DYRK1B: variants seen among roughly 807,000 people sequenced by gnomAD.
DYRK1B encodes dual specificity tyrosine-phosphorylation-regulated kinase 1B.
In DYRK1B, 20 loss-of-function variants were observed where a neutral mutation model predicts 57.1. That is an observed-to-expected ratio of 0.35 (90% CI 0.25 to 0.51). DYRK1B has a LOEUF of 0.51. Among genes scored for constraint, DYRK1B ranks in the 20% least tolerant of loss-of-function variants. DYRK1B has a pLI of 0.96. For synonymous variants in DYRK1B, 409 were observed against 384.7 expected (o/e 1.06, Z -0.74); for missense variants, 732 against 886.3 (o/e 0.83, Z 2.21).
At chr19:39,829,544 TGAA>T (rs1306611357) in intron 5 of DYRK1B, among the ~76,000 whole-genome samples, 4 of 152,178 alleles carry the variant, frequency 2.6e-5, no homozygotes, top group Admixed American at 1.3e-4. Context: ...TTTGTTTTAT[TGAA>T]GAAGAAACTA....
Position 39,826,582 on chromosome 19 carries a change from TG to T in DYRK1B, c.1411+89del. Reference sequence around the variant, plus strand: ...GTTCAGGATCAGTTTCGGCGCTTTGTGTGAAGACCCAGTAACCAGGTCCCCC... The same window carrying T: ...GTTCAGGATCAGTTTCGGCGCTTTGTTGAAGACCCAGTAACCAGGTCCCCC... On this transcript the variant is annotated intron_variant, in intron 9 of 10. Transcript: ENST00000323039. This position sits in a 1 kb window ranked among gnomAD's most constrained non-coding sequence, Gnocchi z 6.3. The T allele has an allele frequency of 7.3e-7, 1 of 1,366,112 alleles. No homozygotes were observed. Among genetic ancestry groups the T allele is most frequent in the Non-Finnish European group, 9.7e-7 (1 of 1,033,018 alleles). 84.6% of individuals were successfully genotyped at this position (1,366,112 alleles called of 1,614,324 possible). A position where few individuals can be genotyped will look rare whatever the true frequency, so the allele number is the denominator to read the frequency against.
intron 8 of DYRK1B, 21 bp downstream of exon 8, chr19:39,827,264 G>A: frequency 6.3e-7 from 1 of 1,595,404 alleles, no homozygotes. Context: ...TGGGAGGAGT[G>A]GCATGGGGCA....
At position 39,829,887 on chromosome 19, in the gene DYRK1B, G is replaced by A. The variant is rs747317074; in HGVS notation, c.513C>T (p.Tyr171=). 7 of 1,613,522 alleles carry A rather than the reference G, an allele frequency of 4.3e-6. No homozygotes were observed. Among genetic ancestry groups the A allele is most frequent in the Middle Eastern group, 1.8e-4 (1 of 5,596 alleles). The change falls in exon 5 of 11, where the codon TAC becomes TAT. Residue 171 remains tyrosine (Y), a synonymous_variant. Coordinates refer to ENST00000323039, the MANE Select transcript of DYRK1B (RefSeq NM_004714.3). Reference sequence around the variant, plus strand: ...GCCAGTCCCAGGCCTCACCTATATAGTACTTCATCTCCGTGTCATGCTGGT... The same window carrying A: ...GCCAGTCCCAGGCCTCACCTATATAATACTTCATCTCCGTGTCATGCTGGT... The part of the protein sequence containing the change: ...LMNQHDTEMK[Y]YIVHLKRHFM...
Position 39,832,291 on chromosome 19 carries a change from T to C in DYRK1B, c.-101-323A>G, listed in dbSNP as rs561273474. Among the ~76,000 whole-genome samples, 31 of 152,114 alleles carry C rather than the reference T, an allele frequency of 2.0e-4. No homozygotes were observed. In the East Asian group the frequency reaches 6.0e-3, roughly 29 times the overall value. On this transcript the variant is annotated intron_variant, in intron 1 of 10. Transcript: ENST00000323039. ...AAGGAGGACAGGAAGACACCAATAA[T>C]TCAGAGGAGGAAAAGAAAAAAGAAA...
In DYRK1B at chr19:39,826,373, G is replaced by A; in HGVS notation, c.1412-87C>T. On this transcript the variant is annotated intron_variant, in intron 9 of 10. Coordinates refer to ENST00000323039, the MANE Select transcript of DYRK1B (RefSeq NM_004714.3). This position sits in a 1 kb window ranked among gnomAD's most constrained non-coding sequence, Gnocchi z 6.3. ...TTGGGATGGCTGAGGGAAGGTCACG[G>A]CCCAGGCTCAGGTTCAGGCTTCAAG... is the stretch of plus-strand genomic sequence containing the variant. The A allele has an allele frequency of 8.9e-7, 1 of 1,124,440 alleles. No homozygotes were observed. Among genetic ancestry groups the A allele is most frequent in the South Asian group, 1.6e-5 (1 of 61,860 alleles). 69.7% of individuals were successfully genotyped at this position (1,124,440 alleles called of 1,614,324 possible). A position where few individuals can be genotyped will look rare whatever the true frequency, so the allele number is the denominator to read the frequency against.
chr19:39,830,500 T>C lies in DYRK1B; in HGVS notation c.247A>G (p.Lys83Glu). The stretch of plus-strand genomic sequence containing the variant: ...CCATGGTTCAGGACCTTCTTCTCCT[T>C]CTTGTTGCTCGAATCCTGGGGTGGC... ...QAPPQDSSNK[K>E]EKKVLNHGYD... The change falls in exon 4 of 11, where the codon AAG becomes GAG. Residue 83 changes from lysine (K) to glutamate (E), a missense_variant. Coordinates refer to ENST00000323039, the MANE Select transcript of DYRK1B (RefSeq NM_004714.3). 1.2e-6 allele frequency: 2 copies of C among 1,614,118 alleles called. No homozygotes were observed. The highest frequency in any genetic ancestry group is 1.7e-6 in the Non-Finnish European group (2 of 1,179,986).
Position 39,828,631 on chromosome 19 carries a change from G to A in DYRK1B, c.521-48C>T. 1 of 1,565,768 alleles carries A rather than the reference G, an allele frequency of 6.4e-7. No individual in the cohort carries two copies. Among genetic ancestry groups the A allele is most frequent in the Admixed American group, 1.8e-5 (1 of 56,216 alleles). ...GGCCAGAGAAGAAACGGCTCAGAGAGGGCAGGTGGTGGCCTGGGGTCATAC... is the reference window on the plus strand; with the variant it reads ...GGCCAGAGAAGAAACGGCTCAGAGAAGGCAGGTGGTGGCCTGGGGTCATAC... On this transcript the variant is annotated intron_variant, in intron 5 of 10. Transcript: ENST00000323039. The surrounding 1 kb of genome is among the most constrained non-coding windows in gnomAD (Gnocchi z 4.3).
In DYRK1B at chr19:39,829,928, G is replaced by A; in HGVS notation, c.472C>T (p.Leu158=). 1.9e-6 allele frequency: 3 copies of A among 1,614,106 alleles called. No homozygotes were observed. Among genetic ancestry groups the A allele is most frequent in the Non-Finnish European group, 2.5e-6 (3 of 1,180,038 alleles). ...FLNQAQIELR[L]LELMNQHDTE... is the part of the protein sequence containing the mutation. ...TCATGCTGGTTCATCAGCTCCAGCA[G>A]CCGCAGCTCAATCTGGGCCTGGTTC... Residue 158 remains leucine (L), a synonymous_variant, in exon 5 of 11, where the codon CTG becomes TTG. Coordinates refer to ENST00000323039, the MANE Select transcript of DYRK1B (RefSeq NM_004714.3).
At chr19:39,830,905 G>A in intron 2 of DYRK1B, 122 bp from the exon 3 acceptor site, 1 of 1,225,336 alleles carries the variant, frequency 8.2e-7, no homozygotes, top group Non-Finnish European at 1.1e-6. Flanking sequence ...TGTTCCACCT[G>A]TCTAGGAAAG....
Position 39,826,284 on chromosome 19 carries a change from C to T in DYRK1B, c.1414G>A (p.Gly472Ser). ...STASSISSSG[G>S]SSGSSSDNRT... Reference sequence around the variant, plus strand: ...TTGTCACTGGAGGAGCCACTGGAGCCTCCTGGAAGTGCCAGGGAGGAGAGG... The same window carrying T: ...TTGTCACTGGAGGAGCCACTGGAGCTTCCTGGAAGTGCCAGGGAGGAGAGG... Residue 472 changes from glycine to serine, a missense_variant and splice_region_variant, in exon 10 of 11, where the codon GGC becomes AGC. By Grantham distance (56) the Gly-to-Ser change is moderately conservative. Coordinates refer to ENST00000323039, the MANE Select transcript of DYRK1B (RefSeq NM_004714.3). The surrounding 1 kb of genome is among the most constrained non-coding windows in gnomAD (Gnocchi z 6.3). 1 of 1,572,390 alleles carries T rather than the reference C, an allele frequency of 6.4e-7. No homozygotes were observed. The highest frequency in any genetic ancestry group is 8.6e-7 in the Non-Finnish European group (1 of 1,164,206).
Position 39,826,563 on chromosome 19 carries a change from G to A in DYRK1B, c.1411+109C>T. 1 of 1,229,708 alleles carries A rather than the reference G, an allele frequency of 8.1e-7. No individual in the cohort carries two copies. Among genetic ancestry groups the A allele is most frequent in the Non-Finnish European group, 1.1e-6 (1 of 917,966 alleles). 76.2% of individuals were successfully genotyped at this position (1,229,708 alleles called of 1,614,324 possible). Reference sequence around the variant, plus strand: ...TCCCACACGTCATCTTACAGTTCAGGATCAGTTTCGGCGCTTTGTGTGAAG... The same window carrying A: ...TCCCACACGTCATCTTACAGTTCAGAATCAGTTTCGGCGCTTTGTGTGAAG... On this transcript the variant is annotated intron_variant, in intron 9 of 10. Transcript: ENST00000323039. This position sits in a 1 kb window ranked among gnomAD's most constrained non-coding sequence, Gnocchi z 6.3.
chr19:39,825,485 T>G lies in DYRK1B; in HGVS notation c.*230A>C. 1.8e-6 allele frequency: 1 copy of G among 557,628 alleles called. No homozygotes were observed. Among genetic ancestry groups the G allele is most frequent in the Non-Finnish European group, 3.2e-6 (1 of 314,816 alleles). 34.5% of individuals were successfully genotyped at this position (557,628 alleles called of 1,614,324 possible). A position where few individuals can be genotyped will look rare whatever the true frequency, so the allele number is the denominator to read the frequency against. ...CGGACCACCACTGTCTTTGGTACAA[T>G]AAATAGAAAAAAAGGGGGAGAGGGG... On this transcript the variant is annotated 3_prime_UTR_variant, in exon 11 of 11. Coordinates refer to ENST00000323039, the MANE Select transcript of DYRK1B (RefSeq NM_004714.3).
In DYRK1B at chr19:39,828,167, C is replaced by T; in HGVS notation, c.807+130G>A. On this transcript the variant is annotated intron_variant, in intron 6 of 10. Coordinates refer to ENST00000323039, the MANE Select transcript of DYRK1B (RefSeq NM_004714.3). This position sits in a 1 kb window ranked among gnomAD's most constrained non-coding sequence, Gnocchi z 4.3. ...TGGGCAGTATATTCACACCCCCACC[C>T]CAAGCATTATCCCTCAGTTCCCACG... 1 of 1,071,046 alleles carries T rather than the reference C, an allele frequency of 9.3e-7. No homozygotes were observed. The highest frequency in any genetic ancestry group is 1.3e-6 in the Non-Finnish European group (1 of 755,408). The allele number at this position is 1,071,046 out of a possible 1,614,324, so 66.3% of individuals were successfully genotyped here.
Position 39,826,115 on chromosome 19 carries a change from G to T in DYRK1B, c.1519-29C>A. The T allele has an allele frequency of 6.5e-7, 1 of 1,548,364 alleles. No homozygotes were observed. Among genetic ancestry groups the T allele is most frequent in the South Asian group, 1.3e-5 (1 of 78,988 alleles). Reference sequence around the variant, plus strand: ...AAAAAGCAAAGGAGCCATGGGTGATGGAGACCCTGGTCTCTAAGCCCCAGG... The same window carrying T: ...AAAAAGCAAAGGAGCCATGGGTGATTGAGACCCTGGTCTCTAAGCCCCAGG... On this transcript the variant is annotated intron_variant, in intron 10 of 10. Coordinates refer to ENST00000323039, the MANE Select transcript of DYRK1B (RefSeq NM_004714.3). The surrounding 1 kb of genome is among the most constrained non-coding windows in gnomAD (Gnocchi z 6.3).
In DYRK1B at chr19:39,827,517, G is replaced by C; in HGVS notation, c.947C>G (p.Ser316Cys). Residue 316 changes from serine to cysteine, a missense_variant, in exon 7 of 11, where the codon TCC becomes TGC. Ser to Cys is a moderately radical substitution (Grantham distance 112). Coordinates refer to ENST00000323039, the MANE Select transcript of DYRK1B (RefSeq NM_004714.3). ...MHTGEPLFSG[S>C]NEVDQMNRIV... ...CCCTTCCTGGGGGCACACCTCATTG[G>C]AGCCACTGAAGAGGGGCTCTCCGGT... 1 of 1,613,822 alleles carries C rather than the reference G, an allele frequency of 6.2e-7. No individual in the cohort carries two copies. The highest frequency in any genetic ancestry group is 8.5e-7 in the Non-Finnish European group (1 of 1,179,872).
chr19:39,827,021 A>T (rs1486408972), intron 8 of DYRK1B, 34 bp from the exon 9 acceptor site: 1 of 1,349,930 alleles, frequency 7.4e-7, no homozygotes, highest in Non-Finnish European at 9.6e-7. Context: ...GGGGCAAGAG[A>T]GTGGCCGTCA....
In DYRK1B at chr19:39,828,650, G is replaced by A; in HGVS notation, c.521-67C>T. 6.7e-7 allele frequency: 1 copy of A among 1,493,958 alleles called. No homozygotes were observed. The highest frequency in any genetic ancestry group is 9.1e-7 in the Non-Finnish European group (1 of 1,100,424). The allele number at this position is 1,493,958 out of a possible 1,614,324, so 92.5% of individuals were successfully genotyped here. A position where few individuals can be genotyped will look rare whatever the true frequency, so the allele number is the denominator to read the frequency against. ...CAGAGAGGGCAGGTGGTGGCCTGGG[G>A]TCATACAACGCTCTTTGATTACTAG... On this transcript the variant is annotated intron_variant, in intron 5 of 10. Coordinates refer to ENST00000323039, the MANE Select transcript of DYRK1B (RefSeq NM_004714.3). The surrounding 1 kb of genome is among the most constrained non-coding windows in gnomAD (Gnocchi z 4.3).
chr19:39,833,864 C>G (rs1431139222), intron 1 of DYRK1B, among the ~76,000 whole-genome samples, 159 bp downstream of exon 1: 1 of 152,102 alleles, frequency 6.6e-6, no homozygotes, highest in African/African-American at 2.4e-5. Context: ...TCCAGGAATT[C>G]AACTATGAAT....
Position 39,826,104 on chromosome 19 carries a change from C to G in DYRK1B, c.1519-18G>C, listed in dbSNP as rs1296967033. ...GGTGGGACCTAAAAAAGCAAAGGAGCCATGGGTGATGGAGACCCTGGTCTC... is the reference window on the plus strand; with the variant it reads ...GGTGGGACCTAAAAAAGCAAAGGAGGCATGGGTGATGGAGACCCTGGTCTC... On this transcript the variant is annotated intron_variant, in intron 10 of 10. Transcript: ENST00000323039. This position sits in a 1 kb window ranked among gnomAD's most constrained non-coding sequence, Gnocchi z 6.3. The G allele has an allele frequency of 6.5e-7, 1 of 1,538,856 alleles. No individual in the cohort carries two copies. Among genetic ancestry groups the G allele is most frequent in the Non-Finnish European group, 8.7e-7 (1 of 1,148,750 alleles).
Sources: allele counts gnomAD v4.1 joint callset (sites outside exome capture counted in the v4.1 genomes callset), GRCh38; gene constraint gnomAD v4.1.1; non-coding constraint Gnocchi (gnomAD v3.1); transcripts MANE v1.5; gene names NCBI Gene and HGNC (gene_info 2026-07-23, HGNC 2026-07-21).